CSMD2: variants seen among roughly 807,000 people sequenced by gnomAD.
CSMD2 encodes CUB and Sushi multiple domains 2.
In CSMD2, 130 loss-of-function variants were observed where a neutral mutation model predicts 398.5. That is an observed-to-expected ratio of 0.33 (90% CI 0.28 to 0.38). The LOEUF (loss-of-function observed/expected upper bound fraction) is 0.38, where lower values mean the gene tolerates loss of function less well. Among genes scored for constraint, CSMD2 ranks in the 10% least tolerant of loss-of-function variants. CSMD2 has a pLI of 1.00. For synonymous variants in CSMD2, 1,828 were observed against 1,908.5 expected (o/e 0.96, Z 1.10); for missense variants, 3,829 against 4,764.9 (o/e 0.80, Z 5.78).
rs11806412 is a variant in CSMD2 at position 33,798,437 on chromosome 1, G to A, written c.1447-5911C>T. On this transcript the variant is annotated intron_variant, in intron 10 of 70. Transcript: ENST00000373381. ...GGACATGGTGCTGATGGTGAGTGCTGGAGGAGTGCAAAGAGGAGAGAGATG... is the reference window on the plus strand; with the variant it reads ...GGACATGGTGCTGATGGTGAGTGCTAGAGGAGTGCAAAGAGGAGAGAGATG... Among the ~76,000 whole-genome samples, 646 of 152,342 alleles carry A rather than the reference G, an allele frequency of 4.2e-3. 5 individuals are homozygous for A. Among genetic ancestry groups the A allele is most frequent in the African/African-American group, 0.014 (597 of 41,580 alleles).
intron 12 of CSMD2, among the ~76,000 whole-genome samples, chr1:33,776,288 A>G (rs1019692535): frequency 1.1e-4 from 16 of 152,178 alleles, no homozygotes; most frequent in Non-Finnish European, 2.2e-4. Context: ...AGCACACTAG[A>G]GGCCCAGCCT....
At chr1:33,854,217 G>A (rs1026362190) in intron 5 of CSMD2, among the ~76,000 whole-genome samples, 1 of 152,150 alleles carries the variant, frequency 6.6e-6, no homozygotes, top group Non-Finnish European at 1.5e-5. Context: ...CTCCACCATA[G>A]TGCTTCTCTC....
rs757426095 is a variant in CSMD2 at position 33,802,830 on chromosome 1, C to A, written c.1446+7913G>T. 2.0e-5 allele frequency among the ~76,000 whole-genome samples: 3 copies of A among 152,154 alleles called. No individual in the cohort carries two copies. In the East Asian group the frequency reaches 5.8e-4, roughly 29 times the overall value. On this transcript the variant is annotated intron_variant, in intron 10 of 70. Coordinates refer to ENST00000373381, the MANE Select transcript of CSMD2 (RefSeq NM_001281956.2). ...TCTTCTCCTGTACCTTCACTCTCTC[C>A]CTCTGTGCATATTTTTTCCTAAGCC...
intron 28 of CSMD2, among the ~76,000 whole-genome samples, chr1:33,647,711 T>C (rs1643531330): frequency 6.6e-6 from 1 of 152,212 alleles, no homozygotes; most frequent in Admixed American, 6.5e-5. Flanking sequence ...ATTAAATTTA[T>C]GGTGAAGCTT....
intron 27 of CSMD2, 76 bp from the exon 28 acceptor site, chr1:33,652,537 A>G: frequency 1.3e-6 from 2 of 1,545,044 alleles, no homozygotes; most frequent in Middle Eastern, 2.1e-4. Flanking sequence ...CTAATGCACT[A>G]TTGAGAGAGG....
At chr1:33,682,576 T>C (rs1644942409) in intron 25 of CSMD2, among the ~76,000 whole-genome samples, 2 of 152,226 alleles carry the variant, frequency 1.3e-5, no homozygotes, top group African/African-American at 2.4e-5. Flanking sequence ...TTTGGTATTA[T>C]GGAAAAGAAA....
At chr1:33,811,787 C>A (rs1656900146) in intron 9 of CSMD2, among the ~76,000 whole-genome samples, 1 of 152,198 alleles carries the variant, frequency 6.6e-6, no homozygotes, top group Non-Finnish European at 1.5e-5. Context: ...CTAGCCACTT[C>A]ATTCTTTAAC....
At chr1:33,906,039 A>T (rs1166426391) in intron 5 of CSMD2, among the ~76,000 whole-genome samples, 2 of 152,214 alleles carry the variant, frequency 1.3e-5, no homozygotes, top group Non-Finnish European at 2.9e-5. Flanking sequence ...AAGGCCACAT[A>T]TTTCAGATGG....
At chr1:33,792,044 CTCTG>C (rs1184553007) in intron 11 of CSMD2, among the ~76,000 whole-genome samples, 4 of 152,214 alleles carry the variant, frequency 2.6e-5, no homozygotes, top group African/African-American at 4.8e-5. Flanking sequence ...TTTCCATTAT[CTCTG>C]TCTGAGGTCA....
At chr1:34,094,069 A>G (rs1658974927) in intron 1 of CSMD2, among the ~76,000 whole-genome samples, 1 of 152,210 alleles carries the variant, frequency 6.6e-6, no homozygotes, top group Admixed American at 6.5e-5. Flanking sequence ...CTCGGCAGAA[A>G]CCCTACAAGC....
chr1:33,850,403 A>C (rs1446848093), intron 5 of CSMD2, among the ~76,000 whole-genome samples: 1 of 152,174 alleles, frequency 6.6e-6, no homozygotes, highest in Non-Finnish European at 1.5e-5. Flanking sequence ...CACAGCTATT[A>C]AGTGGCAGAG....
chr1:33,520,773 G>A (rs947814046), intron 68 of CSMD2, among the ~76,000 whole-genome samples: 2 of 152,186 alleles, frequency 1.3e-5, no homozygotes, highest in Admixed American at 6.5e-5. Flanking sequence ...GGGCCCCGGC[G>A]ATGGGAGGTG....
chr1:33,536,941 A>G, intron 62 of CSMD2, 81 bp downstream of exon 62: 1 of 1,355,830 alleles, frequency 7.4e-7, no homozygotes, highest in Non-Finnish European at 1.1e-6. Flanking sequence ...TGTCCTGAGG[A>G]AGGTCTCTGG....
At position 33,636,234 on chromosome 1, in the gene CSMD2, G is replaced by T. The variant is rs1238009826; in HGVS notation, c.4969+126C>A. 2.3e-6 allele frequency: 2 copies of T among 885,602 alleles called. No individual in the cohort carries two copies. The highest frequency in any genetic ancestry group is 3.4e-6 in the Non-Finnish European group (2 of 586,770). 54.9% of individuals were successfully genotyped at this position (885,602 alleles called of 1,614,324 possible). ...CTATACACATCCACGGCAAACCCAG[G>T]TTTGCCAGGCTTGGAGGAGCCGGGC... On this transcript the variant is annotated intron_variant, in intron 30 of 70. Coordinates refer to ENST00000373381, the MANE Select transcript of CSMD2 (RefSeq NM_001281956.2). This position sits in a 1 kb window ranked among gnomAD's most constrained non-coding sequence, Gnocchi z 4.8.
intron 1 of CSMD2, among the ~76,000 whole-genome samples, chr1:34,120,605 C>T (rs1029201833): frequency 3.3e-5 from 5 of 152,234 alleles, no homozygotes; most frequent in African/African-American, 4.8e-5. Context: ...AGTACAATGG[C>T]GCAATCTCGG....
intron 55 of CSMD2, among the ~76,000 whole-genome samples, chr1:33,554,892 G>T (rs1657814755): frequency 6.6e-6 from 1 of 152,188 alleles, no homozygotes; most frequent in African/African-American, 2.4e-5. Context: ...AGATGTACAG[G>T]AATTGAATGT....
intron 5 of CSMD2, among the ~76,000 whole-genome samples, chr1:33,904,182 C>A (rs1642929341): frequency 6.6e-6 from 1 of 152,154 alleles, no homozygotes; most frequent in Non-Finnish European, 1.5e-5. Context: ...GTGCCATCTG[C>A]AGAATGGATT....
intron 1 of CSMD2, among the ~76,000 whole-genome samples, chr1:34,123,411 C>T (rs981475998): frequency 6.6e-6 from 1 of 152,212 alleles, no homozygotes; most frequent in Non-Finnish European, 1.5e-5. Flanking sequence ...CCCTACACAC[C>T]TCTTCATCTA....
intron 40 of CSMD2, 55 bp downstream of exon 40, chr1:33,614,449 A>T: frequency 1.9e-6 from 2 of 1,040,102 alleles, no homozygotes; most frequent in Non-Finnish European, 3.0e-6. Flanking sequence ...CAGTAGTTTT[A>T]AGCTCAAGGG....
Sources: allele counts gnomAD v4.1 joint callset (sites outside exome capture counted in the v4.1 genomes callset), GRCh38; gene constraint gnomAD v4.1.1; non-coding constraint Gnocchi (gnomAD v3.1); transcripts MANE v1.5; gene names NCBI Gene and HGNC (gene_info 2026-07-23, HGNC 2026-07-21).